Variants in ASCC2 observed in about 807,000 individuals in gnomAD.
The protein encoded by ASCC2 is activating signal cointegrator 1 complex subunit 2.
In ASCC2, 42 loss-of-function variants were observed where a neutral mutation model predicts 93.5. The observed-to-expected ratio is 0.45, with a 90% CI of 0.35 to 0.58. The LOEUF (loss-of-function observed/expected upper bound fraction) is 0.58. Ranked by LOEUF, ASCC2 falls within the 20% of genes least tolerant of loss-of-function variation. ASCC2 has a pLI of 0.00. For missense variants in ASCC2, 859 were observed against 977.6 expected (o/e 0.88, Z 1.62); for synonymous variants, 364 against 384.2 (o/e 0.95, Z 0.62).
chr22:29,802,841 G>A (rs2059251601), intron 13 of ASCC2, among the ~76,000 whole-genome samples: 1 of 152,120 alleles, frequency 6.6e-6, no homozygotes, highest in Non-Finnish European at 1.5e-5. Flanking sequence ...GGAGGCTGAG[G>A]TGGGAGGATT....
intron 8 of ASCC2, among the ~76,000 whole-genome samples, chr22:29,809,687 G>A (rs1370028684): frequency 6.6e-6 from 1 of 152,046 alleles, no homozygotes. Flanking sequence ...GCTGAGGAGG[G>A]AGAATCGCTT....
At chr22:29,832,363 A>G (rs777986888) in intron 1 of ASCC2, 21 bp from the exon 2 acceptor site, 1 of 1,574,358 alleles carries the variant, frequency 6.4e-7, no homozygotes, top group Non-Finnish European at 8.7e-7. Flanking sequence ...TATGGATGGG[A>G]AGAAGAGAGC....
chr22:29,836,970 A>G (rs77378082), intron 1 of ASCC2, among the ~76,000 whole-genome samples: 2,235 of 152,368 alleles, frequency 0.015, 22 homozygotes, highest in Non-Finnish European at 0.017. Flanking sequence ...ATGGGGAAAG[A>G]CAGATACTTT....
chr22:29,832,145 C>T (rs951778685), intron 2 of ASCC2, 100 bp downstream of exon 2: 200 of 1,011,958 alleles, frequency 2.0e-4, no homozygotes, highest in Non-Finnish European at 2.9e-4. Context: ...CCATGGCCCT[C>T]GTGTCATTCT....
At chr22:29,808,847 G>A (rs1209552296) in intron 8 of ASCC2, among the ~76,000 whole-genome samples, 2 of 151,248 alleles carry the variant, frequency 1.3e-5, no homozygotes, top group African/African-American at 2.4e-5. Flanking sequence ...GGCTGGGTGC[G>A]GTGGCTCACG....
At chr22:29,805,428 G>T (rs900480622) in intron 12 of ASCC2, among the ~76,000 whole-genome samples, 1 of 151,984 alleles carries the variant, frequency 6.6e-6, no homozygotes, top group Non-Finnish European at 1.5e-5. Context: ...CCTCCTCACT[G>T]GCCCGAGCCT....
intron 9 of ASCC2, among the ~76,000 whole-genome samples, chr22:29,807,650 C>G (rs1247480811): frequency 6.6e-6 from 1 of 152,006 alleles, no homozygotes; most frequent in Non-Finnish European, 1.5e-5. Flanking sequence ...TCATACAAGT[C>G]TACAGAGAAC....
intron 2 of ASCC2, 110 bp downstream of exon 2, chr22:29,832,135 C>T: frequency 3.2e-6 from 3 of 926,022 alleles, no homozygotes; most frequent in Non-Finnish European, 5.0e-6. Flanking sequence ...GAATCACCGA[C>T]CATGGCCCTC....
intron 13 of ASCC2, among the ~76,000 whole-genome samples, chr22:29,803,621 G>A (rs139944077): frequency 3.9e-5 from 6 of 152,300 alleles, no homozygotes; most frequent in African/African-American, 1.4e-4. Flanking sequence ...TGGACTGTGT[G>A]GAGATGCTCC....
Position 29,801,083 on chromosome 22 carries a change from C to A in ASCC2, c.1596G>T (p.Leu532=). 6.2e-7 allele frequency: 1 copy of A among 1,607,596 alleles called. No homozygotes were observed. The change falls in exon 15 of 20, where the codon CTG becomes CTT. Residue 532 remains leucine (L), a synonymous_variant. Transcript: ENST00000307790. ...DREMKPDPTP[L]LTSRHNVFQN... ...GGAAGACGTTGTGGCGAGACGTCAG[C>A]AGGGGTGTAGGGTCTGGTTTCATTT...
chr22:29,818,403 TACACACACACACACACACACACACAC>T lies in ASCC2; in HGVS notation c.542-2356_542-2331del, dbSNP rs35685093. Among the ~76,000 whole-genome samples, 501 of 108,112 alleles carry T rather than the reference TACACACACACACACACACACACACAC, an allele frequency of 4.6e-3. 4 individuals are homozygous for T. The highest frequency in any genetic ancestry group is 0.02 in the South Asian group (42 of 2,112). 70.9% of individuals were successfully genotyped at this position (108,112 alleles called of 152,430 possible). A position where few individuals can be genotyped will look rare whatever the true frequency, so the allele number is the denominator to read the frequency against. ...TCCCTTCTCTGCATCACTCCCTGCCTACACACACACACACACACACACACACACACACACACACACACACACACACA... is the reference window on the plus strand; with the variant it reads ...TCCCTTCTCTGCATCACTCCCTGCCTACACACACACACACACACACACACA... On this transcript the variant is annotated intron_variant, in intron 5 of 19. Coordinates refer to ENST00000307790, the MANE Select transcript of ASCC2 (RefSeq NM_032204.5).
intron 2 of ASCC2, among the ~76,000 whole-genome samples, chr22:29,828,535 A>G (rs1044532672): frequency 3.3e-5 from 5 of 152,180 alleles, no homozygotes; most frequent in African/African-American, 7.2e-5. Context: ...TAAATGACCT[A>G]TGGTATCTGT....
chr22:29,796,665 C>G (rs1015975464), intron 15 of ASCC2, among the ~76,000 whole-genome samples: 1 of 152,166 alleles, frequency 6.6e-6, no homozygotes, highest in African/African-American at 2.4e-5. Flanking sequence ...GACCTTGGCC[C>G]TGTACCTGGC....
intron 1 of ASCC2, chr22:29,834,682 C>T (rs1222189504): frequency 5.1e-6 from 2 of 388,856 alleles, no homozygotes; most frequent in Non-Finnish European, 1.0e-5. Context: ...ACTAGCCTCT[C>T]ACAACAACCC....
At chr22:29,838,032 A>T in intron 1 of ASCC2, 146 bp downstream of exon 1, 1 of 378,764 alleles carries the variant, frequency 2.6e-6, no homozygotes, top group Non-Finnish European at 5.2e-6. Flanking sequence ...AAGTCTCGAG[A>T]GGCGGCTCAC....
At position 29,812,873 on chromosome 22, in the gene ASCC2, T is replaced by C. The variant is rs1227635954; in HGVS notation, c.833+557A>G. ...AGGCTACTCTATTGAACTGAAACTA[T>C]TCTTGGTTGTGCGTTTTTTTTTTTT... On this transcript the variant is annotated intron_variant, in intron 8 of 19. Coordinates refer to ENST00000307790, the MANE Select transcript of ASCC2 (RefSeq NM_032204.5). Among the ~76,000 whole-genome samples, 3 of 149,614 alleles carry C rather than the reference T, an allele frequency of 2.0e-5. No homozygotes were observed. The Admixed American group carries it at 2.0e-4, about 10-fold the overall frequency.
At position 29,806,234 on chromosome 22, in the gene ASCC2, T is replaced by G; in HGVS notation, c.1142A>C (p.Gln381Pro). ...FPVAEDISLLQQASSVLDETR... is the reference protein window; with the variant it reads ...FPVAEDISLLPQASSVLDETR... ...AGGATACAAGACTGATGAGGCCTGCTGCAGCAAGCTGATGTCTTCGGCCAC... is the reference window on the plus strand; with the variant it reads ...AGGATACAAGACTGATGAGGCCTGCGGCAGCAAGCTGATGTCTTCGGCCAC... The change falls in exon 12 of 20, where the codon CAG becomes CCG. Residue 381 changes from glutamine to proline, a missense_variant. Transcript: ENST00000307790. 1 of 1,614,168 alleles carries G rather than the reference T, an allele frequency of 6.2e-7. No individual in the cohort carries two copies. Among genetic ancestry groups the G allele is most frequent in the Non-Finnish European group, 8.5e-7 (1 of 1,180,034 alleles).
chr22:29,814,947 T>C (rs1236424044), intron 6 of ASCC2, among the ~76,000 whole-genome samples, 180 bp from the exon 7 acceptor site: 5 of 152,162 alleles, frequency 3.3e-5, no homozygotes, highest in Non-Finnish European at 5.9e-5. Flanking sequence ...GTAAAAACTA[T>C]GTAAGATGGG....
chr22:29,825,386 G>A lies in ASCC2; in HGVS notation c.241-129C>T. ...AAACACTCCGACCCCAAGGGACCAA[G>A]GAGGTATGAATGAGCCAAGGGCTAA... On this transcript the variant is annotated intron_variant, in intron 3 of 19. Transcript: ENST00000307790. This position sits in a 1 kb window ranked among gnomAD's most constrained non-coding sequence, Gnocchi z 4.9. The A allele has an allele frequency of 2.3e-6, 3 of 1,283,362 alleles. No homozygotes were observed. The highest frequency in any genetic ancestry group is 3.2e-6 in the Non-Finnish European group (3 of 931,592). 79.5% of individuals were successfully genotyped at this position (1,283,362 alleles called of 1,614,324 possible). A position where few individuals can be genotyped will look rare whatever the true frequency, so the allele number is the denominator to read the frequency against.
Sources: allele counts gnomAD v4.1 joint callset (sites outside exome capture counted in the v4.1 genomes callset), GRCh38; gene constraint gnomAD v4.1.1; non-coding constraint Gnocchi (gnomAD v3.1); transcripts MANE v1.5; gene names NCBI Gene and HGNC (gene_info 2026-07-23, HGNC 2026-07-21).